Variants in LRRC72 observed in about 807,000 individuals in gnomAD.
LRRC72 encodes leucine-rich repeat-containing protein 72.
LRRC72 carries 41 observed loss-of-function variants against 35.8 expected under a neutral mutation model. The observed-to-expected ratio is 1.15, with a 90% CI of 0.89 to 1.49. The LOEUF (loss-of-function observed/expected upper bound fraction) is 1.49, where lower values mean the gene tolerates loss of function less well. Ranked by LOEUF, LRRC72 falls within the 40% of genes most tolerant of loss-of-function variation. The pLI is 0.00. For synonymous variants in LRRC72, 118 were observed against 119.2 expected (o/e 0.99, Z 0.07); for missense variants, 389 against 330.7 (o/e 1.18, Z -1.37).
rs1181798059 is a variant in LRRC72, at chr7:16,567,499, C to T, written c.626C>T (p.Pro209Leu). Residue 209 changes from proline to leucine, a missense_variant, in exon 7 of 9, where the codon CCT (proline) becomes CTT (leucine). Physicochemically the swap from Pro to Leu is moderately conservative, Grantham distance 98 (BLOSUM62 -3). Coordinates refer to ENST00000401542, the MANE Select transcript of LRRC72 (RefSeq NM_001195280.2). The part of the protein sequence containing the change: ...FGGKVDASWD[P>L]KSPFKQKPAQ... ...GGAAAAGTGGATGCTTCATGGGATC[C>T]TAAATCACCATTTAAGCAAAAACCA... 4.0e-6 allele frequency: 6 copies of T among 1,497,516 alleles called. No individual in the cohort carries two copies. The highest frequency in any genetic ancestry group is 1.4e-5 in the African/African-American group (1 of 70,094). 92.8% of individuals were successfully genotyped at this position (1,497,516 alleles called of 1,614,324 possible).
At chr7:16,539,414 A>G (rs971041116) in intron 3 of LRRC72, among the ~76,000 whole-genome samples, 3 of 152,272 alleles carry the variant, frequency 2.0e-5, no homozygotes, top group African/African-American at 4.8e-5. Flanking sequence ...GCATTCAGTC[A>G]TATGCATTCA....
chr7:16,565,417 A>G (rs1009053411), intron 5 of LRRC72, among the ~76,000 whole-genome samples: 4 of 148,828 alleles, frequency 2.7e-5, no homozygotes, highest in African/African-American at 1.0e-4. Flanking sequence ...GGCAACAAGA[A>G]CAAGACTCTG....
At chr7:16,578,918 C>G (rs1783092538) in intron 7 of LRRC72, among the ~76,000 whole-genome samples, 1 of 152,100 alleles carries the variant, frequency 6.6e-6, no homozygotes, top group Non-Finnish European at 1.5e-5. Context: ...AATAGTCAAA[C>G]TCATAGAAGC....
chr7:16,562,085 C>G (rs1419895295), intron 5 of LRRC72, among the ~76,000 whole-genome samples: 1 of 152,186 alleles, frequency 6.6e-6, no homozygotes, highest in Non-Finnish European at 1.5e-5. Flanking sequence ...CAAGGACTGC[C>G]TAGGAGACGC....
intron 7 of LRRC72, among the ~76,000 whole-genome samples, chr7:16,568,140 G>A (rs1265629417): frequency 6.6e-6 from 1 of 152,142 alleles, no homozygotes. Context: ...GAAAGATAGG[G>A]TATCTAGGGT....
chr7:16,532,907 A>G (rs972316302), intron 2 of LRRC72: 7 of 323,922 alleles, frequency 2.2e-5, no homozygotes, highest in Admixed American at 1.7e-4. Flanking sequence ...TTTCATAGAA[A>G]CAACGAATAT....
Position 16,567,453 on chromosome 7 carries a change from G to A in LRRC72, c.580G>A (p.Val194Ile), listed in dbSNP as rs767482481. The A allele has an allele frequency of 3.5e-5, 54 of 1,526,170 alleles. No individual in the cohort carries two copies. Among genetic ancestry groups the A allele is most frequent in the Admixed American group, 1.1e-4 (5 of 47,564 alleles). The allele number at this position is 1,526,170 out of a possible 1,614,324, so 94.5% of individuals were successfully genotyped here. The change falls in exon 7 of 9, where the codon GTT becomes ATT. Residue 194 changes from valine to isoleucine, a missense_variant. Val to Ile is a conservative substitution (Grantham distance 29). Transcript: ENST00000401542. ...TTTTAACCATAAAAAGGCTCATATCGTTCAATCAATAGCATTCGGAGGAAA... is the reference window on the plus strand; with the variant it reads ...TTTTAACCATAAAAAGGCTCATATCATTCAATCAATAGCATTCGGAGGAAA... ...TIFNHKKAHI[V>I]QSIAFGGKVD... is the part of the protein sequence containing the mutation.
intron 5 of LRRC72, among the ~76,000 whole-genome samples, chr7:16,562,095 C>A (rs986514576): frequency 3.3e-5 from 5 of 152,200 alleles, no homozygotes; most frequent in Non-Finnish European, 5.9e-5. Context: ...CTAGGAGACG[C>A]ATGGCTGAGA....
intron 3 of LRRC72, among the ~76,000 whole-genome samples, chr7:16,555,637 CG>C (rs1436768678): frequency 6.6e-6 from 1 of 151,922 alleles, no homozygotes; most frequent in Non-Finnish European, 1.5e-5. Context: ...CTGGCTATGG[CG>C]GCATGTGCCT....
intron 3 of LRRC72, among the ~76,000 whole-genome samples, chr7:16,551,998 G>A (rs1340651723): frequency 6.6e-6 from 1 of 152,176 alleles, no homozygotes; most frequent in Non-Finnish European, 1.5e-5. Context: ...GGGAGATGGT[G>A]CAGAAATTCA....
rs1241410481 is a variant in LRRC72 at position 16,581,561 on chromosome 7, A to C, written c.*72A>C. ...ACTTCCCTGTGACTTAGCATATTAC[A>C]TACTTACAATGATATTATTTGAGAC... On this transcript the variant is annotated 3_prime_UTR_variant, in exon 9 of 9. Coordinates refer to ENST00000401542, the MANE Select transcript of LRRC72 (RefSeq NM_001195280.2). 1.6e-5 allele frequency: 18 copies of C among 1,119,604 alleles called. No homozygotes were observed. Among genetic ancestry groups the C allele is most frequent in the Non-Finnish European group, 5.9e-6 (5 of 842,818 alleles). 69.4% of individuals were successfully genotyped at this position (1,119,604 alleles called of 1,614,324 possible).
intron 3 of LRRC72, among the ~76,000 whole-genome samples, chr7:16,551,908 G>A (rs1275602419): frequency 6.6e-6 from 1 of 152,234 alleles, no homozygotes; most frequent in African/African-American, 2.4e-5. Context: ...CCTGGGGCTT[G>A]CAATTGGCAT....
chr7:16,575,526 T>C lies in LRRC72; in HGVS notation c.671-4548T>C, dbSNP rs149227260. Among the ~76,000 whole-genome samples the C allele has an allele frequency of 1.4e-3, 218 of 152,344 alleles. 2 individuals are homozygous for C. The highest frequency in any genetic ancestry group is 5.0e-3 in the Admixed American group (76 of 15,300). On this transcript the variant is annotated intron_variant, in intron 7 of 8. Coordinates refer to ENST00000401542, the MANE Select transcript of LRRC72 (RefSeq NM_001195280.2). The stretch of plus-strand genomic sequence containing the variant: ...GTTTGAATACCAGATCTGCTAATAA[T>C]TATAAGTTTTATTTTGGACATTTGC...
In LRRC72 at chr7:16,526,842, T is replaced by C. The variant is rs1782074783; in HGVS notation, c.-111T>C. 1.2e-6 allele frequency: 1 copy of C among 826,916 alleles called. No homozygotes were observed. The highest frequency in any genetic ancestry group is 2.0e-6 in the Non-Finnish European group (1 of 507,820). 51.2% of individuals were successfully genotyped at this position (826,916 alleles called of 1,614,324 possible). A position where few individuals can be genotyped will look rare whatever the true frequency, so the allele number is the denominator to read the frequency against. On this transcript the variant is annotated 5_prime_UTR_variant, in exon 1 of 9. It removes the in-frame stop codon of an upstream open reading frame in the 5' UTR. Coordinates refer to ENST00000401542, the MANE Select transcript of LRRC72 (RefSeq NM_001195280.2). ...TGGCTTTTAGTCAACGGGAATGCGG[T>C]AACTGTTGGTAACAGAACAACGAGC...
In LRRC72 at chr7:16,579,483, C is replaced by G. The variant is rs1783104173; in HGVS notation, c.671-591C>G. On this transcript the variant is annotated intron_variant, in intron 7 of 8. Coordinates refer to ENST00000401542, the MANE Select transcript of LRRC72 (RefSeq NM_001195280.2). ...CATCTCTGTACGGGCCCTAGGCTTT[C>G]CGGAGGGAAATCAACAAAGCAGTGA... 2.0e-5 allele frequency among the ~76,000 whole-genome samples: 3 copies of G among 152,008 alleles called. No individual in the cohort carries two copies. The South Asian group carries it at 6.2e-4, about 32-fold the overall frequency.
chr7:16,546,882 A>C (rs1782452321), intron 3 of LRRC72, among the ~76,000 whole-genome samples: 1 of 151,862 alleles, frequency 6.6e-6, no homozygotes, highest in Non-Finnish European at 1.5e-5. Flanking sequence ...ACACTACTTC[A>C]CTCTACCACT....
intron 1 of LRRC72, among the ~76,000 whole-genome samples, chr7:16,529,244 A>G (rs1782122589): frequency 6.6e-6 from 1 of 152,084 alleles, no homozygotes; most frequent in African/African-American, 2.4e-5. Context: ...CACATACCTT[A>G]TACATTCTTC....
At chr7:16,527,455 G>GGT (rs59655218) in intron 1 of LRRC72, among the ~76,000 whole-genome samples, 10,448 of 149,744 alleles carry the variant, frequency 0.07, 399 homozygotes, top group East Asian at 0.11. Context: ...CTCCAACAGG[G>GGT]GTGTGTGTGT....
At chr7:16,541,727 C>T (rs1220835265) in intron 3 of LRRC72, among the ~76,000 whole-genome samples, 1 of 152,216 alleles carries the variant, frequency 6.6e-6, no homozygotes, top group Non-Finnish European at 1.5e-5. Context: ...GCCTGGCCAA[C>T]ATGGTGAAAC....
Sources: allele counts gnomAD v4.1 joint callset (sites outside exome capture counted in the v4.1 genomes callset), GRCh38; gene constraint gnomAD v4.1.1; transcripts MANE v1.5; gene names NCBI Gene and HGNC (gene_info 2026-07-23, HGNC 2026-07-21).